ITPR3: variants seen among roughly 807,000 people sequenced by gnomAD.
ITPR3 encodes inositol 1,4,5-trisphosphate receptor type 3.
ITPR3 carries 173 observed loss-of-function variants against 293.2 expected under a neutral mutation model. The ratio of observed to expected loss-of-function variants is 0.59; its 90% CI spans 0.52 to 0.67. ITPR3 has a LOEUF of 0.67. Among genes scored for constraint, ITPR3 ranks in the 30% least tolerant of loss-of-function variants. ITPR3 has a pLI of 0.00. For missense variants in ITPR3, 2,796 were observed against 3,592.1 expected (o/e 0.78, Z 5.66); for synonymous variants, 1,295 against 1,444.4 (o/e 0.90, Z 2.35).
rs370917751 is a variant in ITPR3, at chr6:33,667,161, G to A, written c.1584G>A (p.Glu528=). The part of the protein sequence containing the change: ...VFGILKAPFR[E]KGGEGPLVRL... ...GCATTCTGAAGGCCCCGTTCCGTGA[G>A]AAGGGGGGTGAAGGTCCCCTGGTGC... is the stretch of plus-strand genomic sequence containing the variant. Residue 528 remains glutamate, a synonymous_variant, in exon 15 of 58, where the codon GAG becomes GAA. Coordinates refer to ENST00000605930, the MANE Select transcript of ITPR3 (RefSeq NM_002224.4). This position sits in a 1 kb window ranked among gnomAD's most constrained non-coding sequence, Gnocchi z 4.4. 30 of 1,614,062 alleles carry A rather than the reference G, an allele frequency of 1.9e-5. No homozygotes were observed. The African/African-American group carries it at 2.8e-4, about 15-fold the overall frequency.
At chr6:33,673,771 T>G in intron 23 of ITPR3, 51 bp downstream of exon 23, 1 of 1,603,508 alleles carries the variant, frequency 6.2e-7, no homozygotes. Context: ...CTCCCAGGGA[T>G]ACACAGCAGT....
In ITPR3 at chr6:33,685,388, C is replaced by T; in HGVS notation, c.5337C>T (p.Asp1779=). The T allele has an allele frequency of 6.2e-7, 1 of 1,613,716 alleles. No individual in the cohort carries two copies. The highest frequency in any genetic ancestry group is 2.2e-5 in the East Asian group (1 of 44,870). Residue 1779 remains aspartate (D), a synonymous_variant, in exon 40 of 58, where the codon GAC becomes GAT. Transcript: ENST00000605930. Reference sequence around the variant, plus strand: ...CCTTCCACAACCTGATGATGAGTGACAAGAAGTCAGAGCGCTTCTTCAAGG... The same window carrying T: ...CCTTCCACAACCTGATGATGAGTGATAAGAAGTCAGAGCGCTTCTTCAAGG... ...QKSFHNLMMS[D]KKSERFFKVL...
Position 33,658,223 on chromosome 6 carries a change from G to A in ITPR3, c.369+205G>A, listed in dbSNP as rs1008059022. Among the ~76,000 whole-genome samples the A allele has an allele frequency of 3.3e-5, 5 of 152,166 alleles. No homozygotes were observed. The highest frequency in any genetic ancestry group is 1.2e-4 in the African/African-American group (5 of 41,422). On this transcript the variant is annotated intron_variant, in intron 4 of 57. Coordinates refer to ENST00000605930, the MANE Select transcript of ITPR3 (RefSeq NM_002224.4). This position sits in a 1 kb window ranked among gnomAD's most constrained non-coding sequence, Gnocchi z 6.1. Reference sequence around the variant, plus strand: ...TGGCCTGAGTAGCTGTGCCATGGGTGTGTTTACAGCATGGTGGCCATCAGC... The same window carrying A: ...TGGCCTGAGTAGCTGTGCCATGGGTATGTTTACAGCATGGTGGCCATCAGC...
Position 33,621,492 on chromosome 6 carries a change from G to C in ITPR3, c.-111G>C, listed in dbSNP as rs1763434713. Reference sequence around the variant, plus strand: ...CCGGCCGCACCGAGCGTCGGGATCCGAGGTGGGAGCGTACCCCTCCCCGCT... The same window carrying C: ...CCGGCCGCACCGAGCGTCGGGATCCCAGGTGGGAGCGTACCCCTCCCCGCT... On this transcript the variant is annotated 5_prime_UTR_variant, in exon 1 of 58. Transcript: ENST00000605930. The surrounding 1 kb of genome is among the most constrained non-coding windows in gnomAD (Gnocchi z 7.7). The C allele has an allele frequency of 1.4e-5, 10 of 703,238 alleles. No individual in the cohort carries two copies. The South Asian group carries it at 1.8e-4, about 13-fold the overall frequency. The allele number at this position is 703,238 out of a possible 1,614,324, so 43.6% of individuals were successfully genotyped here.
chr6:33,645,306 C>T (rs1227963365), intron 2 of ITPR3, among the ~76,000 whole-genome samples: 1 of 152,086 alleles, frequency 6.6e-6, no homozygotes, highest in African/African-American at 2.4e-5. Flanking sequence ...TGCACTCCAG[C>T]CTGGGTGACA....
intron 1 of ITPR3, among the ~76,000 whole-genome samples, chr6:33,639,662 T>G (rs1238281278): frequency 6.6e-6 from 1 of 151,762 alleles, no homozygotes; most frequent in Admixed American, 6.6e-5. Flanking sequence ...ATTGACAAAT[T>G]TTAAATGCAG....
intron 2 of ITPR3, among the ~76,000 whole-genome samples, chr6:33,653,639 A>G (rs1323678804): frequency 1.3e-5 from 2 of 152,290 alleles, no homozygotes; most frequent in African/African-American, 2.4e-5. Flanking sequence ...GGCCCAGAAC[A>G]CTGCTCATAG....
In ITPR3 at chr6:33,673,840, T is replaced by A. The variant is rs1764834964; in HGVS notation, c.3058+120T>A. 4.1e-5 allele frequency: 47 copies of A among 1,160,020 alleles called. 1 individual carries two copies. The South Asian group carries it at 6.6e-4, about 16-fold the overall frequency. 71.9% of individuals were successfully genotyped at this position (1,160,020 alleles called of 1,614,324 possible). ...TTCTAGTCTGCAAAGGCCTTTTCTT[T>A]CCACTGTCTCATTTAATTGCCTCAG... On this transcript the variant is annotated intron_variant, in intron 23 of 57. Coordinates refer to ENST00000605930, the MANE Select transcript of ITPR3 (RefSeq NM_002224.4).
intron 1 of ITPR3, among the ~76,000 whole-genome samples, chr6:33,630,858 GC>G (rs769639659): frequency 2.0e-5 from 3 of 152,188 alleles, no homozygotes; most frequent in Admixed American, 6.5e-5. Flanking sequence ...ATACTGTCTG[GC>G]CCCCCGTTGG....
At chr6:33,662,062 C>T (rs1332790539) in intron 7 of ITPR3, among the ~76,000 whole-genome samples, 1 of 145,934 alleles carries the variant, frequency 6.9e-6, no homozygotes, top group Non-Finnish European at 1.5e-5. Context: ...TATGGAGATG[C>T]CCTCCATGCT....
rs1173404070 is a variant in ITPR3, at chr6:33,687,577, C to T, written c.6264+13C>T. Reference sequence around the variant, plus strand: ...TATCTCTTCCATGGTGGGTGCTGGCCCCGAGACTGGGGTGGGGGTGGGGCC... The same window carrying T: ...TATCTCTTCCATGGTGGGTGCTGGCTCCGAGACTGGGGTGGGGGTGGGGCC... On this transcript the variant is annotated intron_variant, in intron 46 of 57. Transcript: ENST00000605930. This position sits in a 1 kb window ranked among gnomAD's most constrained non-coding sequence, Gnocchi z 5.3. 1 of 1,517,906 alleles carries T rather than the reference C, an allele frequency of 6.6e-7. No individual in the cohort carries two copies. The highest frequency in any genetic ancestry group is 9.1e-7 in the Non-Finnish European group (1 of 1,097,836). The allele number at this position is 1,517,906 out of a possible 1,614,324, so 94.0% of individuals were successfully genotyped here.
intron 1 of ITPR3, among the ~76,000 whole-genome samples, chr6:33,640,113 G>T (rs1763914261): frequency 6.6e-6 from 1 of 151,856 alleles, no homozygotes; most frequent in African/African-American, 2.4e-5. Context: ...CTCCTCTCCT[G>T]CCCCCTTCAC....
chr6:33,639,509 C>T (rs1582107496), intron 1 of ITPR3, among the ~76,000 whole-genome samples: 1 of 152,156 alleles, frequency 6.6e-6, no homozygotes, highest in South Asian at 2.1e-4. Flanking sequence ...CGGTTTTCTC[C>T]TCAGTAAAAT....
intron 1 of ITPR3, among the ~76,000 whole-genome samples, chr6:33,630,108 G>A (rs537561755): frequency 2.0e-5 from 3 of 152,114 alleles, no homozygotes; most frequent in East Asian, 3.9e-4. Context: ...AAAAACCATC[G>A]AGATCCTGTC....
chr6:33,661,956 A>T (rs546295031), intron 7 of ITPR3, among the ~76,000 whole-genome samples: 1 of 136,318 alleles, frequency 7.3e-6, no homozygotes, highest in Non-Finnish European at 1.5e-5. Context: ...AGATCGTGCC[A>T]TGCACTCCAT....
chr6:33,684,637 C>A lies in ITPR3; in HGVS notation c.5086C>A (p.Gln1696Lys). ...CAAGATGCTGCTGCAAAACTACCTCCAGAACCGGAAGTCCACCTCGCGGGG... is the reference window on the plus strand; with the variant it reads ...CAAGATGCTGCTGCAAAACTACCTCAAGAACCGGAAGTCCACCTCGCGGGG... ...LRKMLLQNYL[Q>K]NRKSTSRGDL... Residue 1696 changes from glutamine to lysine, a missense_variant, in exon 38 of 58, where the codon CAG becomes AAG. This residue lies in a region of ITPR3 where 704 missense variants were observed against 797.5 expected (regional missense o/e 0.88). Transcript: ENST00000605930. The surrounding 1 kb of genome is among the most constrained non-coding windows in gnomAD (Gnocchi z 4.2). 2 of 1,614,158 alleles carry A rather than the reference C, an allele frequency of 1.2e-6. No individual in the cohort carries two copies. Among genetic ancestry groups the A allele is most frequent in the Non-Finnish European group, 1.7e-6 (2 of 1,180,034 alleles).
chr6:33,666,049 A>G lies in ITPR3; in HGVS notation c.1551+73A>G, dbSNP rs1240563506. The G allele has an allele frequency of 2.3e-5, 34 of 1,507,574 alleles. No homozygotes were observed. Among genetic ancestry groups the G allele is most frequent in the Non-Finnish European group, 3.0e-5 (33 of 1,114,300 alleles). 93.4% of individuals were successfully genotyped at this position (1,507,574 alleles called of 1,614,324 possible). A position where few individuals can be genotyped will look rare whatever the true frequency, so the allele number is the denominator to read the frequency against. Reference sequence around the variant, plus strand: ...GAGGGATGCCTTCAACTGCAGGCTCATCCCCCGCTTTAACAAAAATCAGTA... The same window carrying G: ...GAGGGATGCCTTCAACTGCAGGCTCGTCCCCCGCTTTAACAAAAATCAGTA... On this transcript the variant is annotated intron_variant, in intron 14 of 57. Coordinates refer to ENST00000605930, the MANE Select transcript of ITPR3 (RefSeq NM_002224.4). The surrounding 1 kb of genome is among the most constrained non-coding windows in gnomAD (Gnocchi z 5.1).
intron 2 of ITPR3, among the ~76,000 whole-genome samples, chr6:33,643,889 A>T (rs1361813163): frequency 6.6e-6 from 1 of 152,186 alleles, no homozygotes; most frequent in African/African-American, 2.4e-5. Flanking sequence ...TCAAGTCTAC[A>T]CGATAGTAAA....
chr6:33,687,020 C>T lies in ITPR3; in HGVS notation c.5991C>T (p.Ser1997=). ...GCCCCTCCACCCAGGACAATGCCTC[C>T]AAGCTGCTCCTGGCTCTGATGGAGA... The part of the protein sequence containing the change: ...DLVLQLKDNA[S]KLLLALMESR... The change falls in exon 44 of 58, where the codon TCC becomes TCT. Residue 1997 remains serine, a synonymous_variant. Transcript: ENST00000605930. The surrounding 1 kb of genome is among the most constrained non-coding windows in gnomAD (Gnocchi z 5.3). The T allele has an allele frequency of 6.2e-7, 1 of 1,613,880 alleles. No individual in the cohort carries two copies. Among genetic ancestry groups the T allele is most frequent in the South Asian group, 1.1e-5 (1 of 91,086 alleles).
Sources: allele counts gnomAD v4.1 joint callset (sites outside exome capture counted in the v4.1 genomes callset), GRCh38; gene constraint gnomAD v4.1.1; regional missense constraint gnomAD v4.1.1; non-coding constraint Gnocchi (gnomAD v3.1); transcripts MANE v1.5; gene names NCBI Gene and HGNC (gene_info 2026-07-23, HGNC 2026-07-21).